Variants in ARNT2 observed in about 807,000 individuals in gnomAD.
ARNT2 encodes ARNT protein 2.
A neutral mutation model predicts 91.7 loss-of-function variants in ARNT2; 36 were observed. That is an observed-to-expected ratio of 0.39 (90% CI 0.30 to 0.52). The LOEUF is 0.52. ARNT2 is among the 20% of genes least tolerant of loss of function. The pLI is 0.72. For synonymous variants in ARNT2, 365 were observed against 347.1 expected (o/e 1.05, Z -0.57); for missense variants, 775 against 939.3 (o/e 0.83, Z 2.29).
intron 10 of ARNT2, 70 bp downstream of exon 10, chr15:80,552,844 A>C: frequency 6.4e-7 from 1 of 1,554,382 alleles, no homozygotes; most frequent in East Asian, 2.3e-5. Flanking sequence ...TTCTTACTTC[A>C]TTTGAGATAC....
chr15:80,471,657 A>G (rs1287554793), intron 4 of ARNT2, among the ~76,000 whole-genome samples: 1 of 152,066 alleles, frequency 6.6e-6, no homozygotes, highest in Non-Finnish European at 1.5e-5. Flanking sequence ...GAAATATCTC[A>G]TTTACTACTT....
At chr15:80,477,830 T>TA (rs1896829142) in intron 5 of ARNT2, among the ~76,000 whole-genome samples, 1 of 152,182 alleles carries the variant, frequency 6.6e-6, no homozygotes, top group South Asian at 2.1e-4. Context: ...TAATAACACT[T>TA]ATGATAAGAG....
chr15:80,416,011 G>A (rs1895779744), intron 1 of ARNT2, among the ~76,000 whole-genome samples: 2 of 152,116 alleles, frequency 1.3e-5, no homozygotes, highest in Admixed American at 6.5e-5. Flanking sequence ...CCACTGCTGT[G>A]TCCCCAACAC....
At chr15:80,465,879 G>T (rs894304705) in intron 3 of ARNT2, among the ~76,000 whole-genome samples, 2 of 152,164 alleles carry the variant, frequency 1.3e-5, no homozygotes, top group Non-Finnish European at 2.9e-5. Context: ...ATCCTCTTCT[G>T]ACCTTTTAGT....
chr15:80,571,878 C>T (rs950265312), intron 12 of ARNT2, among the ~76,000 whole-genome samples: 8 of 152,340 alleles, frequency 5.3e-5, no homozygotes, highest in African/African-American at 1.9e-4. Context: ...AGTTGGCCAA[C>T]TTTGACAACC....
At chr15:80,566,218 T>C (rs1898478486) in intron 12 of ARNT2, among the ~76,000 whole-genome samples, 1 of 147,974 alleles carries the variant, frequency 6.8e-6, no homozygotes, top group Non-Finnish European at 1.5e-5. Context: ...CAGCCCTAGA[T>C]TATGTTTGGT....
At position 80,576,907 on chromosome 15, in the gene ARNT2, C is replaced by G; in HGVS notation, c.1555C>G (p.Gln519Glu). Residue 519 changes from glutamine to glutamate, a missense_variant, in exon 15 of 19, where the codon CAG (glutamine) becomes GAG (glutamate). Coordinates refer to ENST00000303329, the MANE Select transcript of ARNT2 (RefSeq NM_014862.4). Reference protein sequence around the residue: ...MMSSASAAGTQQIYSQGSPFP... With the variant: ...MMSSASAAGTEQIYSQGSPFP... ...GAGCTCAGCCTCTGCAGCAGGAACCCAGCAGATCTACTCCCAAGGAAGCCC... is the reference window on the plus strand; with the variant it reads ...GAGCTCAGCCTCTGCAGCAGGAACCGAGCAGATCTACTCCCAAGGAAGCCC... 6.2e-7 allele frequency: 1 copy of G among 1,614,092 alleles called. No individual in the cohort carries two copies. Among genetic ancestry groups the G allele is most frequent in the South Asian group, 1.1e-5 (1 of 91,090 alleles).
intron 3 of ARNT2, among the ~76,000 whole-genome samples, chr15:80,468,271 C>T (rs993143896): frequency 2.0e-5 from 3 of 152,116 alleles, no homozygotes; most frequent in African/African-American, 7.2e-5. Context: ...GCCTCCATCT[C>T]CTCCTCCCCA....
At chr15:80,505,093 G>C (rs1472303800) in intron 5 of ARNT2, among the ~76,000 whole-genome samples, 1 of 152,212 alleles carries the variant, frequency 6.6e-6, no homozygotes, top group East Asian at 1.9e-4. Flanking sequence ...AAACACATTT[G>C]TCGCTTGCCT....
chr15:80,528,982 G>C (rs972819533), intron 8 of ARNT2, among the ~76,000 whole-genome samples: 1 of 152,182 alleles, frequency 6.6e-6, no homozygotes, highest in African/African-American at 2.4e-5. Context: ...CTGACACCAA[G>C]TTGGTTTCAC....
intron 3 of ARNT2, among the ~76,000 whole-genome samples, chr15:80,459,779 C>G (rs535318326): frequency 6.6e-6 from 1 of 152,256 alleles, no homozygotes; most frequent in African/African-American, 2.4e-5. Flanking sequence ...CATATCATTT[C>G]CCCCATGAAA....
At chr15:80,560,164 G>GT (rs1898305623) in intron 11 of ARNT2, 1 of 152,210 alleles carries the variant, frequency 6.6e-6, no homozygotes, top group African/African-American at 2.4e-5. Flanking sequence ...TTCATCTTGT[G>GT]TTTCTGTAGT....
At chr15:80,561,777 G>A (rs1898359474) in intron 11 of ARNT2, among the ~76,000 whole-genome samples, 1 of 152,156 alleles carries the variant, frequency 6.6e-6, no homozygotes, top group African/African-American at 2.4e-5. Flanking sequence ...CCTCAGTTAT[G>A]AGATCAACAG....
At chr15:80,467,992 T>G (rs1340778457) in intron 3 of ARNT2, among the ~76,000 whole-genome samples, 1 of 152,028 alleles carries the variant, frequency 6.6e-6, no homozygotes, top group African/African-American at 2.4e-5. Flanking sequence ...CCCTTTTTCA[T>G]CACTTTCTTT....
chr15:80,500,298 G>A (rs1217405682), intron 5 of ARNT2, among the ~76,000 whole-genome samples: 2 of 152,118 alleles, frequency 1.3e-5, no homozygotes, highest in African/African-American at 4.8e-5. Flanking sequence ...CCCATTTCAG[G>A]GGGACACATT....
intron 2 of ARNT2, among the ~76,000 whole-genome samples, chr15:80,454,553 G>T (rs1360836475): frequency 1.3e-5 from 2 of 152,240 alleles, no homozygotes; most frequent in Non-Finnish European, 2.9e-5. Flanking sequence ...TATGTAAGCA[G>T]CTGTTTCTCT....
chr15:80,451,835 G>A (rs1487712792), intron 2 of ARNT2, among the ~76,000 whole-genome samples: 1 of 152,154 alleles, frequency 6.6e-6, no homozygotes, highest in African/African-American at 2.4e-5. Flanking sequence ...ATATCACCTA[G>A]CCCCTTTCTC....
At position 80,594,906 on chromosome 15, in the gene ARNT2, CA is replaced by C. The variant is rs1157701231; in HGVS notation, c.*1209del. ...TCTGGGAGGCACAGAGTGCAGGTCT[CA>C]GGGGCAGAAGACATGGGTTCCAGTT... On this transcript the variant is annotated 3_prime_UTR_variant, in exon 19 of 19. Coordinates refer to ENST00000303329, the MANE Select transcript of ARNT2 (RefSeq NM_014862.4). 4 of 152,222 alleles carry C rather than the reference CA, an allele frequency of 2.6e-5. No homozygotes were observed. The highest frequency in any genetic ancestry group is 9.6e-5 in the African/African-American group (4 of 41,460). The allele number at this position is 152,222 out of a possible 1,614,324, so 9.4% of individuals were successfully genotyped here.
At chr15:80,530,293 C>T (rs73496350) in intron 8 of ARNT2, among the ~76,000 whole-genome samples, 1,599 of 152,248 alleles carry the variant, frequency 0.011, 20 homozygotes, top group African/African-American at 0.037. Flanking sequence ...CCAAGGCTGA[C>T]GGTGGGAAGA....
Sources: allele counts gnomAD v4.1 joint callset (sites outside exome capture counted in the v4.1 genomes callset), GRCh38; gene constraint gnomAD v4.1.1; transcripts MANE v1.5; gene names NCBI Gene and HGNC (gene_info 2026-07-23, HGNC 2026-07-21).